MYO16: variants seen among roughly 807,000 people sequenced by gnomAD.
MYO16 encodes unconventional myosin-XVI.
A neutral mutation model predicts 205.3 loss-of-function variants in MYO16; 94 were observed. The ratio of observed to expected loss-of-function variants is 0.46; its 90% CI spans 0.39 to 0.54. The LOEUF is 0.54. MYO16 is among the 20% of genes least tolerant of loss of function. MYO16 has a pLI of 0.00. For synonymous variants in MYO16, 988 were observed against 954.0 expected, an observed-to-expected ratio of 1.04 and a Z score of -0.66; for missense variants, 2,315 against 2,387.5, an observed-to-expected ratio of 0.97 and a Z score of 0.63.
In MYO16 at chr13:108,677,333, GTGTA is replaced by G. The variant is rs145048406; in HGVS notation, c.292+11186_292+11189del. Among the ~76,000 whole-genome samples, 19 of 101,172 alleles carry G rather than the reference GTGTA, an allele frequency of 1.9e-4. No homozygotes were observed. The South Asian group carries it at 3.3e-3, about 17-fold the overall frequency. 66.4% of individuals were successfully genotyped at this position (101,172 alleles called of 152,430 possible). A position where few individuals can be genotyped will look rare whatever the true frequency, so the allele number is the denominator to read the frequency against. ...CATGCATGTGTGTGTGTGTGTGTGT[GTGTA>G]TATATATATATATATATGCATATAT... On this transcript the variant is annotated intron_variant, in intron 2 of 34. Coordinates refer to ENST00000457511, the MANE Select transcript of MYO16 (RefSeq NM_001198950.3).
the MYO16 span, among the ~76,000 whole-genome samples, chr13:108,499,150 C>T: frequency 6.6e-6 from 1 of 152,092 alleles, no homozygotes; most frequent in Non-Finnish European, 1.5e-5. Context: ...ACTCAACTTG[C>T]CTGTTTTAAG....
intron 28 of MYO16, among the ~76,000 whole-genome samples, chr13:109,117,951 T>C (rs767895895): frequency 1.6e-4 from 24 of 152,224 alleles, no homozygotes; most frequent in Non-Finnish European, 3.2e-4. Flanking sequence ...CTCTTCATGA[T>C]GTAGCCACCA....
rs1878269823 is a variant in MYO16 at position 109,159,636 on chromosome 13, T to C, written c.5165-5265T>C. Among the ~76,000 whole-genome samples the C allele has an allele frequency of 3.3e-5, 5 of 152,204 alleles. 1 individual carries two copies. The highest frequency in any genetic ancestry group is 3.3e-4 in the Admixed American group (5 of 15,286). On this transcript the variant is annotated intron_variant, in intron 32 of 34. Coordinates refer to ENST00000457511, the MANE Select transcript of MYO16 (RefSeq NM_001198950.3). ...CAAACAATTGGGCTGTTCTGTGCCA[T>C]GCAGTGAGAAGGACTGTGTAGAAAA...
intron 14 of MYO16, among the ~76,000 whole-genome samples, chr13:108,889,209 G>T (rs556922172): frequency 1.3e-4 from 19 of 151,138 alleles, no homozygotes; most frequent in Non-Finnish European, 2.1e-4. Context: ...TAAAGACTTC[G>T]ATGGGCAGGC....
chr13:108,543,091 A>G, the MYO16 span, among the ~76,000 whole-genome samples: 2 of 152,264 alleles, frequency 1.3e-5, no homozygotes, highest in East Asian at 1.9e-4. Flanking sequence ...CACATTTTCA[A>G]TATCAAATAT....
At chr13:109,005,712 C>T (rs1436026784) in intron 21 of MYO16, among the ~76,000 whole-genome samples, 2 of 152,084 alleles carry the variant, frequency 1.3e-5, no homozygotes, top group African/African-American at 2.4e-5. Flanking sequence ...CACCTACGCA[C>T]AACATTCTAA....
chr13:108,636,757 G>T (rs1260242653), intron 1 of MYO16, among the ~76,000 whole-genome samples: 1 of 152,020 alleles, frequency 6.6e-6, no homozygotes, highest in Admixed American at 6.6e-5. Flanking sequence ...ATTATAATAA[G>T]ATCTAGAGCT....
chr13:109,165,882 C>T (rs1045156798), intron 33 of MYO16, among the ~76,000 whole-genome samples: 1 of 142,444 alleles, frequency 7.0e-6, no homozygotes, highest in East Asian at 2.5e-4. Context: ...TGGGGTGGGG[C>T]CTTCAAGTGT....
chr13:108,558,718 C>G, the MYO16 span, among the ~76,000 whole-genome samples: 3 of 152,196 alleles, frequency 2.0e-5, no homozygotes, highest in Non-Finnish European at 2.9e-5. Flanking sequence ...GTAACTTACA[C>G]GTGAGCACCT....
At chr13:109,032,510 G>A (rs1445261783) in intron 23 of MYO16, among the ~76,000 whole-genome samples, 1 of 152,336 alleles carries the variant, frequency 6.6e-6, no homozygotes. Context: ...TCTTGACTTA[G>A]AGGACAAAGG....
chr13:108,571,432 T>C, the MYO16 span, among the ~76,000 whole-genome samples: 2 of 152,154 alleles, frequency 1.3e-5, no homozygotes, highest in Admixed American at 1.3e-4. Context: ...ATTTTAGAAA[T>C]TTCTAAAATC....
chr13:108,516,196 C>T, the MYO16 span, among the ~76,000 whole-genome samples: 20 of 152,058 alleles, frequency 1.3e-4, no homozygotes, highest in Non-Finnish European at 8.8e-5. Context: ...TTTTTTAAGC[C>T]GGTCTGAAAA....
chr13:108,541,985 C>T, the MYO16 span, among the ~76,000 whole-genome samples: 1 of 152,180 alleles, frequency 6.6e-6, no homozygotes, highest in South Asian at 2.1e-4. Flanking sequence ...GAATACAAAT[C>T]ATCTTATTAT....
intron 7 of MYO16, among the ~76,000 whole-genome samples, chr13:108,818,112 G>A (rs1357173971): frequency 1.3e-5 from 2 of 152,018 alleles, no homozygotes; most frequent in Admixed American, 6.6e-5. Context: ...GGCCAGGCTC[G>A]GTGGCTCACG....
chr13:108,759,624 A>G (rs978192406), intron 4 of MYO16, among the ~76,000 whole-genome samples: 12 of 152,094 alleles, frequency 7.9e-5, no homozygotes, highest in African/African-American at 2.9e-4. Flanking sequence ...GATTGAGACC[A>G]TCCTGGCTAA....
At chr13:108,605,113 G>C (rs887901313) in intron 1 of MYO16, among the ~76,000 whole-genome samples, 3 of 152,132 alleles carry the variant, frequency 2.0e-5, no homozygotes, top group African/African-American at 4.8e-5. Context: ...CTTTATCATA[G>C]TCCTGTATCA....
Position 109,008,914 on chromosome 13 carries a change from C to T in MYO16, c.2460C>T (p.Thr820=), listed in dbSNP as rs2139481228. 6.2e-7 allele frequency: 1 copy of T among 1,612,814 alleles called. No individual in the cohort carries two copies. Among genetic ancestry groups the T allele is most frequent in the Non-Finnish European group, 8.5e-7 (1 of 1,179,478 alleles). ...NEFEQLCVNM[T]NEKMHHYINE... ...CACAACAGCTTTGTGTCAACATGAC[C>T]AATGAGAAGATGCACCACTATATCA... The change falls in exon 22 of 35, where the codon ACC becomes ACT. Residue 820 remains threonine, a synonymous_variant. Coordinates refer to ENST00000457511, the MANE Select transcript of MYO16 (RefSeq NM_001198950.3).
intron 33 of MYO16, among the ~76,000 whole-genome samples, chr13:109,179,132 G>A (rs1016642687): frequency 3.9e-5 from 6 of 151,964 alleles, no homozygotes; most frequent in Admixed American, 6.6e-5. Context: ...TCCCTTCCTC[G>A]TCTCCCTGCA....
chr13:109,102,271 T>A (rs1440574147), intron 28 of MYO16, among the ~76,000 whole-genome samples: 3 of 151,968 alleles, frequency 2.0e-5, no homozygotes, highest in Admixed American at 6.6e-5. Flanking sequence ...CCCTCCAGAG[T>A]CAGTGACATA....
Sources: allele counts gnomAD v4.1 joint callset (sites outside exome capture counted in the v4.1 genomes callset), GRCh38; gene constraint gnomAD v4.1.1; transcripts MANE v1.5; gene names NCBI Gene and HGNC (gene_info 2026-07-23, HGNC 2026-07-21).